Variants in ZRANB3 observed in about 807,000 individuals in gnomAD.
The protein encoded by ZRANB3 is DNA annealing helicase and endonuclease ZRANB3.
In ZRANB3, 125 loss-of-function variants were observed where a neutral mutation model predicts 133.8. The ratio of observed to expected loss-of-function variants is 0.93; its 90% CI spans 0.81 to 1.08. The LOEUF is 1.08. ZRANB3 is among the 50% of genes least tolerant of loss of function. ZRANB3 has a pLI of 0.00. For synonymous variants in ZRANB3, 387 were observed against 432.7 expected (o/e 0.89, Z 1.31); for missense variants, 1,229 against 1,275.5 (o/e 0.96, Z 0.56).
At chr2:135,287,595 G>A (rs1252865534) in intron 8 of ZRANB3, among the ~76,000 whole-genome samples, 2 of 150,478 alleles carry the variant, frequency 1.3e-5, no homozygotes, top group Non-Finnish European at 2.9e-5. Context: ...AGTGTCGTCT[G>A]TGATTTCCTT....
intron 2 of ZRANB3, among the ~76,000 whole-genome samples, chr2:135,397,445 C>CT (rs897567843): frequency 1.5e-5 from 2 of 134,530 alleles, no homozygotes; most frequent in South Asian, 5.1e-4. Flanking sequence ...CAGACCCTGA[C>CT]TCAAAAAAAA....
intron 15 of ZRANB3, among the ~76,000 whole-genome samples, chr2:135,220,337 CAA>C (rs200689271): frequency 2.0e-4 from 26 of 130,696 alleles, no homozygotes; most frequent in Admixed American, 3.1e-4. Context: ...TTCTCTCAGC[CAA>C]AAAAAAAAAA....
intron 2 of ZRANB3, among the ~76,000 whole-genome samples, chr2:135,486,134 A>G (rs1249356019): frequency 6.6e-6 from 1 of 152,196 alleles, no homozygotes; most frequent in African/African-American, 2.4e-5. Flanking sequence ...AAATAAGGCA[A>G]CAATGACTTA....
Position 135,425,067 on chromosome 2 carries a change from GA to G in ZRANB3, c.162-34248del, listed in dbSNP as rs561706811. Reference sequence around the variant, plus strand: ...AGGGAGCAATGCCTACAAATTCTGAGAAAAAAAAATTTATAGGCCAGGATTA... The same window carrying G: ...AGGGAGCAATGCCTACAAATTCTGAGAAAAAAAATTTATAGGCCAGGATTA... On this transcript the variant is annotated intron_variant, in intron 2 of 20. Coordinates refer to ENST00000264159, the MANE Select transcript of ZRANB3 (RefSeq NM_032143.4). Among the ~76,000 whole-genome samples, 165 of 151,562 alleles carry G rather than the reference GA, an allele frequency of 1.1e-3. 1 individual carries two copies. The highest frequency in any genetic ancestry group is 2.9e-3 in the African/African-American group (121 of 41,374).
chr2:135,232,373 G>GCA (rs771354899), intron 12 of ZRANB3, among the ~76,000 whole-genome samples: 18 of 152,198 alleles, frequency 1.2e-4, no homozygotes, highest in Non-Finnish European at 2.1e-4. Context: ...TGGGGGCAGG[G>GCA]CACAGCCAAA....
chr2:135,455,435 G>C (rs994027385), intron 2 of ZRANB3, among the ~76,000 whole-genome samples: 5 of 151,268 alleles, frequency 3.3e-5, no homozygotes, highest in African/African-American at 1.2e-4. Flanking sequence ...TGGTCCACCT[G>C]CCTCGGCCTC....
intron 3 of ZRANB3, among the ~76,000 whole-genome samples, chr2:135,387,116 A>G (rs1318858272): frequency 6.6e-6 from 1 of 152,180 alleles, no homozygotes; most frequent in Admixed American, 6.5e-5. Context: ...GCAGACAGCT[A>G]AAGTACACAA....
At chr2:135,503,767 C>T (rs1693050766) in intron 2 of ZRANB3, among the ~76,000 whole-genome samples, 2 of 152,084 alleles carry the variant, frequency 1.3e-5, no homozygotes, top group South Asian at 4.1e-4. Flanking sequence ...CAAGACCAGC[C>T]TGGGCAACAT....
At chr2:135,426,357 C>A (rs899183534) in intron 2 of ZRANB3, among the ~76,000 whole-genome samples, 1 of 152,090 alleles carries the variant, frequency 6.6e-6, no homozygotes, top group African/African-American at 2.4e-5. Context: ...CATCCTAATA[C>A]CAAAACCTGG....
At chr2:135,418,451 GT>G (rs199681807) in intron 2 of ZRANB3, among the ~76,000 whole-genome samples, 7 of 151,654 alleles carry the variant, frequency 4.6e-5, no homozygotes, top group East Asian at 3.9e-4. Flanking sequence ...GCATTTAGAG[GT>G]TTTTTTTTAA....
chr2:135,346,032 G>A (rs1684906077), intron 5 of ZRANB3, among the ~76,000 whole-genome samples: 2 of 152,210 alleles, frequency 1.3e-5, no homozygotes, highest in Non-Finnish European at 2.9e-5. Context: ...TGATGTAGAT[G>A]TACTGTAAAA....
chr2:135,403,220 C>A (rs1268976418), intron 2 of ZRANB3, among the ~76,000 whole-genome samples: 1 of 152,152 alleles, frequency 6.6e-6, no homozygotes, highest in African/African-American at 2.4e-5. Context: ...AAAGGGGTGA[C>A]AGATGGCACC....
intron 15 of ZRANB3, among the ~76,000 whole-genome samples, chr2:135,222,473 T>C (rs1383066638): frequency 6.6e-6 from 1 of 152,140 alleles, no homozygotes; most frequent in African/African-American, 2.4e-5. Context: ...GGCCATAGAT[T>C]CTCACATGGT....
intron 8 of ZRANB3, among the ~76,000 whole-genome samples, chr2:135,310,868 T>C (rs1217752069): frequency 6.6e-6 from 1 of 151,980 alleles, no homozygotes; most frequent in Non-Finnish European, 1.5e-5. Flanking sequence ...AGCACATGAC[T>C]GATAACCTAA....
At chr2:135,233,124 G>T (rs151093015) in intron 12 of ZRANB3, among the ~76,000 whole-genome samples, 1,639 of 152,294 alleles carry the variant, frequency 0.011, 26 homozygotes, top group African/African-American at 0.037. Flanking sequence ...GAAAACCATG[G>T]CACGAGAGCT....
At chr2:135,401,001 AAAATCAGGCCTATGTATATTT>A (rs2104938707) in intron 2 of ZRANB3, among the ~76,000 whole-genome samples, 1 of 152,344 alleles carries the variant, frequency 6.6e-6, no homozygotes, top group East Asian at 1.9e-4. Flanking sequence ...CAACTACTTT[AAAATCAGGCCTATGTATATTT>A]AGTGGTCCCT....
intron 2 of ZRANB3, among the ~76,000 whole-genome samples, chr2:135,455,589 CTTTTTTT>C (rs929421233): frequency 3.2e-5 from 4 of 126,476 alleles, no homozygotes; most frequent in African/African-American, 8.9e-5. Context: ...TGATTTTTTT[CTTTTTTT>C]TTTTTTTTTT....
chr2:135,350,400 A>C (rs754175750), intron 4 of ZRANB3, among the ~76,000 whole-genome samples, 185 bp from the exon 5 acceptor site: 2 of 152,204 alleles, frequency 1.3e-5, no homozygotes, highest in Non-Finnish European at 2.9e-5. Context: ...CCAGGATCCA[A>C]AATTTACAGT....
chr2:135,411,688 C>T (rs190400721), intron 2 of ZRANB3, among the ~76,000 whole-genome samples: 29 of 152,172 alleles, frequency 1.9e-4, no homozygotes, highest in African/African-American at 6.7e-4. Flanking sequence ...AAATCAAATA[C>T]CTCATGTTCT....
Sources: allele counts gnomAD v4.1 joint callset (sites outside exome capture counted in the v4.1 genomes callset), GRCh38; gene constraint gnomAD v4.1.1; transcripts MANE v1.5; gene names NCBI Gene and HGNC (gene_info 2026-07-23, HGNC 2026-07-21).